FRMD3: variants seen among roughly 807,000 people sequenced by gnomAD.
The protein encoded by FRMD3 is FERM domain containing 3.
Under a neutral mutation model 70.2 loss-of-function variants are expected in FRMD3, and 33 were observed. That is an observed-to-expected ratio of 0.47 (90% confidence interval 0.36 to 0.63). FRMD3 has a LOEUF of 0.63. Among genes scored for constraint, FRMD3 ranks in the 20% least tolerant of loss-of-function variants. FRMD3 has a pLI of 0.00. For synonymous variants in FRMD3, 279 were observed against 255.9 expected (o/e 1.09, Z -0.86); for missense variants, 632 against 711.4 (o/e 0.89, Z 1.27).
chr9:83,391,402 C>T (rs372632835), intron 1 of FRMD3, among the ~76,000 whole-genome samples: 7 of 152,070 alleles, frequency 4.6e-5, no homozygotes, highest in Admixed American at 3.9e-4. Context: ...CAGCATTATC[C>T]CCTCACCAAA....
At chr9:83,374,652 G>A (rs1246241612) in intron 2 of FRMD3, among the ~76,000 whole-genome samples, 1 of 152,090 alleles carries the variant, frequency 6.6e-6, no homozygotes, top group Non-Finnish European at 1.5e-5. Flanking sequence ...ACCTCTTAGG[G>A]CCATTGCGAG....
At chr9:83,436,404 T>C (rs757050680) in intron 1 of FRMD3, among the ~76,000 whole-genome samples, 6 of 151,804 alleles carry the variant, frequency 4.0e-5, no homozygotes, top group Admixed American at 1.3e-4. Context: ...AATAAGAATC[T>C]AGTGTGTCCA....
At chr9:83,506,831 T>C (rs145868961) in intron 1 of FRMD3, among the ~76,000 whole-genome samples, 1 of 152,362 alleles carries the variant, frequency 6.6e-6, no homozygotes, top group African/African-American at 2.4e-5. Flanking sequence ...AAAAACATTG[T>C]ACAGCTGCAC....
At position 83,538,029 on chromosome 9, in the gene FRMD3, G is replaced by GC; in HGVS notation, c.147+55dup. On this transcript the variant is annotated intron_variant, in intron 1 of 13. Coordinates refer to ENST00000304195, the MANE Select transcript of FRMD3 (RefSeq NM_174938.6). This position sits in a 1 kb window ranked among gnomAD's most constrained non-coding sequence, Gnocchi z 4.7. ...TTGTTCTCGCATGCCCACCGCAAAG[G>GC]CCCCCCGCCCTGCTCCCGGCGTGTG... 3 of 1,587,614 alleles carry GC rather than the reference G, an allele frequency of 1.9e-6. No individual in the cohort carries two copies. Among genetic ancestry groups the GC allele is most frequent in the Non-Finnish European group, 1.7e-6 (2 of 1,162,706 alleles).
At chr9:83,437,350 T>C (rs1334675826) in intron 1 of FRMD3, among the ~76,000 whole-genome samples, 1 of 152,240 alleles carries the variant, frequency 6.6e-6, no homozygotes, top group Non-Finnish European at 1.5e-5. Flanking sequence ...GTTTAGTTTC[T>C]TTGACTATAT....
At chr9:83,517,410 A>T (rs1044529286) in intron 1 of FRMD3, among the ~76,000 whole-genome samples, 2 of 151,490 alleles carry the variant, frequency 1.3e-5, no homozygotes, top group African/African-American at 4.9e-5. Flanking sequence ...CACCCTTCCA[A>T]GACTAAACCA....
intron 3 of FRMD3, among the ~76,000 whole-genome samples, chr9:83,365,227 T>TA (rs1824750890): frequency 2.6e-5 from 4 of 152,228 alleles, no homozygotes; most frequent in African/African-American, 9.6e-5. Flanking sequence ...TTATTGAATG[T>TA]ATATATTAAT....
At chr9:83,486,489 C>T (rs1271169531) in intron 1 of FRMD3, among the ~76,000 whole-genome samples, 1 of 152,170 alleles carries the variant, frequency 6.6e-6, no homozygotes, top group Non-Finnish European at 1.5e-5. Context: ...TTTAAAATGA[C>T]AGGAGGTCAC....
At chr9:83,326,100 C>T (rs1006737038) in intron 6 of FRMD3, among the ~76,000 whole-genome samples, 3 of 152,086 alleles carry the variant, frequency 2.0e-5, no homozygotes, top group Non-Finnish European at 4.4e-5. Flanking sequence ...AACACAGGAA[C>T]GTGAAACCAC....
intron 12 of FRMD3, chr9:83,297,841 C>T (rs1683022911): frequency 2.1e-6 from 1 of 471,598 alleles, no homozygotes; most frequent in South Asian, 1.5e-5. Context: ...ATGCCAACTG[C>T]ACTTCTGCTC....
intron 6 of FRMD3, among the ~76,000 whole-genome samples, chr9:83,330,258 G>A (rs142124841): frequency 1.4e-4 from 21 of 151,980 alleles, no homozygotes; most frequent in African/African-American, 3.1e-4. Flanking sequence ...CAGCTACTCC[G>A]GAGGCTGAGG....
At chr9:83,478,791 T>C (rs1452080223) in intron 1 of FRMD3, among the ~76,000 whole-genome samples, 2 of 152,138 alleles carry the variant, frequency 1.3e-5, no homozygotes, top group Non-Finnish European at 2.9e-5. Flanking sequence ...GGTATACACA[T>C]ACAATGCAAT....
chr9:83,383,447 C>A (rs1163275175), intron 2 of FRMD3, among the ~76,000 whole-genome samples: 1 of 152,168 alleles, frequency 6.6e-6, no homozygotes, highest in Non-Finnish European at 1.5e-5. Flanking sequence ...CATTTTCTAA[C>A]CTATACTGTT....
At chr9:83,444,974 A>T (rs924850210) in intron 1 of FRMD3, among the ~76,000 whole-genome samples, 11 of 152,324 alleles carry the variant, frequency 7.2e-5, no homozygotes, top group African/African-American at 2.6e-4. Flanking sequence ...TAGTCTCAAC[A>T]TTTCATTTAC....
intron 5 of FRMD3, among the ~76,000 whole-genome samples, chr9:83,339,687 T>C (rs1564023652): frequency 6.6e-6 from 1 of 152,182 alleles, no homozygotes; most frequent in Non-Finnish European, 1.5e-5. Context: ...TAGCAGGGAC[T>C]GGGCCTGTGT....
intron 1 of FRMD3, among the ~76,000 whole-genome samples, chr9:83,536,655 A>G (rs75840939): frequency 6.6e-6 from 1 of 152,122 alleles, no homozygotes; most frequent in Non-Finnish European, 1.5e-5. Flanking sequence ...ATGAAATTCA[A>G]GCTCCCCCAG....
chr9:83,268,829 C>T (rs969799889), intron 13 of FRMD3, among the ~76,000 whole-genome samples: 10 of 152,188 alleles, frequency 6.6e-5, no homozygotes, highest in Non-Finnish European at 1.5e-4. Context: ...GGAGTTCCTA[C>T]TCTCACAGGA....
chr9:83,356,594 T>A (rs1388788993), intron 3 of FRMD3, among the ~76,000 whole-genome samples: 1 of 151,684 alleles, frequency 6.6e-6, no homozygotes, highest in East Asian at 1.9e-4. Context: ...TTTTTTTTTC[T>A]TAAAACCAAA....
chr9:83,541,979 T>A (rs367875550), upstream of FRMD3, among the ~76,000 whole-genome samples: 21 of 152,310 alleles, frequency 1.4e-4, no homozygotes, highest in African/African-American at 5.1e-4. Flanking sequence ...GGTCCCACTA[T>A]GTTGCTCAGG....
Sources: allele counts gnomAD v4.1 joint callset (sites outside exome capture counted in the v4.1 genomes callset), GRCh38; gene constraint gnomAD v4.1.1; non-coding constraint Gnocchi (gnomAD v3.1); transcripts MANE v1.5; gene names NCBI Gene and HGNC (gene_info 2026-07-23, HGNC 2026-07-21).